The following YES1 variants were observed in gnomAD, a reference collection of about 807,000 sequenced individuals.
YES1 encodes tyrosine-protein kinase Yes.
YES1 carries 39 observed loss-of-function variants against 70.4 expected under a neutral mutation model. The observed-to-expected ratio is 0.55, with a 90% CI of 0.43 to 0.72. The LOEUF (loss-of-function observed/expected upper bound fraction) is 0.72, where lower values mean the gene tolerates loss of function less well. Ranked by LOEUF, YES1 falls within the 30% of genes least tolerant of loss-of-function variation. The pLI, the probability that YES1 is intolerant of heterozygous loss-of-function variation, is 0.00. For missense variants in YES1, 495 were observed against 644.8 expected, an observed-to-expected ratio of 0.77 and a Z score of 2.52; for synonymous variants, 198 against 218.6, an observed-to-expected ratio of 0.91 and a Z score of 0.83.
At chr18:804,132 T>C (rs189311929) in intron 1 of YES1, among the ~76,000 whole-genome samples, 130 of 152,306 alleles carry the variant, frequency 8.5e-4, no homozygotes, top group Middle Eastern at 3.4e-3. Flanking sequence ...AAGACAAATA[T>C]CCAGAACAAG....
At chr18:779,992 G>A (rs542744293) in intron 1 of YES1, among the ~76,000 whole-genome samples, 1 of 151,504 alleles carries the variant, frequency 6.6e-6, no homozygotes, top group South Asian at 2.1e-4. Flanking sequence ...CCAGCACTTT[G>A]GGAGGCTGAG....
At chr18:790,301 G>A (rs1362453726) in intron 1 of YES1, among the ~76,000 whole-genome samples, 9 of 152,248 alleles carry the variant, frequency 5.9e-5, no homozygotes, top group African/African-American at 1.4e-4. Flanking sequence ...GCTTGAACCC[G>A]AGAGGCGGAA....
chr18:808,443 A>C (rs1907209192), intron 1 of YES1, among the ~76,000 whole-genome samples: 3 of 152,220 alleles, frequency 2.0e-5, no homozygotes, highest in Admixed American at 2.0e-4. Context: ...CCATACACGA[A>C]CTACCAATAA....
chr18:740,691 A>G (rs891397145), intron 8 of YES1, among the ~76,000 whole-genome samples: 1 of 152,232 alleles, frequency 6.6e-6, no homozygotes, highest in Non-Finnish European at 1.5e-5. Context: ...ATGAGGAATT[A>G]AAGAGTTTTA....
At chr18:797,177 A>G (rs775453732) in intron 1 of YES1, among the ~76,000 whole-genome samples, 7 of 152,114 alleles carry the variant, frequency 4.6e-5, no homozygotes, top group Non-Finnish European at 8.8e-5. Context: ...AAGACAAATA[A>G]CCCAATAGTA....
At chr18:793,384 T>C (rs551261686) in intron 1 of YES1, among the ~76,000 whole-genome samples, 9 of 152,262 alleles carry the variant, frequency 5.9e-5, no homozygotes, top group Non-Finnish European at 1.0e-4. Flanking sequence ...TCACCCAGGC[T>C]ACAGTGCAGT....
intron 2 of YES1, 108 bp from the exon 3 acceptor site, chr18:751,912 T>C (rs1598906148): frequency 2.8e-6 from 2 of 726,258 alleles, no homozygotes; most frequent in Non-Finnish European, 4.8e-6. Context: ...TAGTTTTTTC[T>C]GTAGTCTCCA....
chr18:728,021 G>A lies in YES1; in HGVS notation c.1424-3389C>T, dbSNP rs114450270. 2.2e-3 allele frequency among the ~76,000 whole-genome samples: 329 copies of A among 152,246 alleles called. 1 individual carries two copies. Among genetic ancestry groups the A allele is most frequent in the African/African-American group, 7.5e-3 (310 of 41,554 alleles). ...TACATAATGAGATATCTTAAGGGAT[G>A]GGACCCAAGTCTAAACACAAAATAC... On this transcript the variant is annotated intron_variant, in intron 11 of 11. Coordinates refer to ENST00000314574, the MANE Select transcript of YES1 (RefSeq NM_005433.4).
chr18:802,126 G>A (rs1247563482), intron 1 of YES1, among the ~76,000 whole-genome samples: 1 of 152,216 alleles, frequency 6.6e-6, no homozygotes, highest in African/African-American at 2.4e-5. Context: ...GGTGGGTGTA[G>A]TGGCTCAAGC....
intron 10 of YES1, among the ~76,000 whole-genome samples, chr18:735,161 C>CAAAAAAAAAAAAAAAA (rs71174281): frequency 5.4e-5 from 6 of 110,686 alleles, no homozygotes; most frequent in Admixed American, 2.0e-4. Context: ...TGTCTCAAAG[C>CAAAAAAAAAAAAAAAA]AAAAAAAAAA....
At chr18:726,925 G>A (rs1239125681) in intron 11 of YES1, among the ~76,000 whole-genome samples, 1 of 151,624 alleles carries the variant, frequency 6.6e-6, no homozygotes, top group African/African-American at 2.4e-5. Context: ...AACAGGCGCT[G>A]TTGCTTTGAA....
In YES1 at chr18:724,172, AC is replaced by A; in HGVS notation, c.*251del. 1 of 417,232 alleles carries A rather than the reference AC, an allele frequency of 2.4e-6. No individual in the cohort carries two copies. The allele number at this position is 417,232 out of a possible 1,614,324, so 25.8% of individuals were successfully genotyped here. A position where few individuals can be genotyped will look rare whatever the true frequency, so the allele number is the denominator to read the frequency against. On this transcript the variant is annotated 3_prime_UTR_variant, in exon 12 of 12. Transcript: ENST00000314574. ...CACTGTCCTTCATTACCATGCTGTC[AC>A]CCACACTGTCATCAGTATCTTAGCT... is the stretch of plus-strand genomic sequence containing the variant.
chr18:792,581 G>A (rs1906318700), intron 1 of YES1, among the ~76,000 whole-genome samples: 2 of 134,512 alleles, frequency 1.5e-5, no homozygotes, highest in South Asian at 2.5e-4. Context: ...GTGTGTGTGT[G>A]TGTGTATATA....
intron 1 of YES1, 98 bp downstream of exon 1, chr18:812,016 C>CGCGGCGGCG (rs145256073): frequency 1.8e-5 from 3 of 167,980 alleles, no homozygotes; most frequent in South Asian, 1.6e-4. Flanking sequence ...GGCGGGGAAC[C>CGCGGCGGCG]GCGGCGGCGG....
rs763332220 is a variant in YES1, at chr18:756,691, G to A, written c.137C>T (p.Ser46Leu). The A allele has an allele frequency of 1.2e-6, 2 of 1,614,194 alleles. No individual in the cohort carries two copies. The highest frequency in any genetic ancestry group is 1.1e-5 in the South Asian group (1 of 91,080). ...PTTVSPCPSS[S>L]AKGTAVNFSS... ...GAAATTAACTGCTGTTCCCTTTGCTGAAGATGACGGACATGGTGACACTGT... is the reference window on the plus strand; with the variant it reads ...GAAATTAACTGCTGTTCCCTTTGCTAAAGATGACGGACATGGTGACACTGT... Residue 46 changes from serine to leucine, a missense_variant, in exon 2 of 12, where the codon TCA (serine) becomes TTA (leucine). Ser to Leu is a moderately radical substitution (Grantham distance 145). This residue lies in a region of YES1 where 110 missense variants were observed against 104.0 expected (regional missense o/e 1.06). Coordinates refer to ENST00000314574, the MANE Select transcript of YES1 (RefSeq NM_005433.4).
intron 1 of YES1, among the ~76,000 whole-genome samples, chr18:809,114 G>A (rs931698329): frequency 1.3e-5 from 2 of 152,072 alleles, no homozygotes; most frequent in African/African-American, 2.4e-5. Context: ...GTATCCATTC[G>A]TTCAATAAAC....
rs142763265 is a variant in YES1 at position 806,088 on chromosome 18, G to T, written c.-9+6026C>A. On this transcript the variant is annotated intron_variant, in intron 1 of 11. Coordinates refer to ENST00000314574, the MANE Select transcript of YES1 (RefSeq NM_005433.4). ...TATGCATTCCTTCACACACATTACT[G>T]CAAGAAAATCAGGACTTCTTTTTCT... 8.1e-4 allele frequency among the ~76,000 whole-genome samples: 124 copies of T among 152,222 alleles called. No homozygotes were observed. In the East Asian group the frequency reaches 0.022, roughly 27 times the overall value.
chr18:736,576 AG>A (rs2080155885), intron 10 of YES1: 1 of 380,216 alleles, frequency 2.6e-6, no homozygotes, highest in Non-Finnish European at 4.6e-6. Context: ...AAGTGTAAAG[AG>A]GCTACTACTT....
chr18:749,229 T>A (rs1409744652), intron 3 of YES1, among the ~76,000 whole-genome samples: 1 of 148,960 alleles, frequency 6.7e-6, no homozygotes, highest in Non-Finnish European at 1.5e-5. Flanking sequence ...CGCGGTGGCT[T>A]ACGCCTGCAA....
Sources: gnomAD v4.1 joint callset for allele counts (sites outside exome capture counted in the v4.1 genomes callset) on GRCh38, gnomAD v4.1.1 for gene constraint, gnomAD v4.1.1 regional missense constraint, MANE v1.5 for transcripts, NCBI Gene and HGNC (gene_info 2026-07-23, HGNC 2026-07-21) for gene names.